The following DPP10 variants were observed in gnomAD, a reference collection of about 807,000 sequenced individuals.
DPP10 encodes dipeptidyl peptidase like 10, also known as inactive dipeptidyl peptidase 10.
A neutral mutation model predicts 120.9 loss-of-function variants in DPP10; 33 were observed. That is an observed-to-expected ratio of 0.27 (90% CI 0.21 to 0.37). DPP10 has a LOEUF of 0.37. Among genes scored for constraint, DPP10 ranks in the 10% least tolerant of loss-of-function variants. DPP10 has a pLI of 1.00. For synonymous variants in DPP10, 337 were observed against 326.1 expected, an observed-to-expected ratio of 1.03 and a Z score of -0.36; for missense variants, 816 against 942.8, an observed-to-expected ratio of 0.87 and a Z score of 1.76.
At chr2:114,728,126 G>C (rs1676524993) in intron 1 of DPP10, among the ~76,000 whole-genome samples, 2 of 152,106 alleles carry the variant, frequency 1.3e-5, no homozygotes, top group African/African-American at 2.4e-5. Flanking sequence ...AATAGTCTCA[G>C]CTTCAAAACA....
At position 115,768,834 on chromosome 2, in the gene DPP10, A is replaced by G. The variant is rs376089158; in HGVS notation, c.1221+430A>G. Among the ~76,000 whole-genome samples the G allele has an allele frequency of 5.8e-4, 89 of 152,240 alleles. 2 individuals are homozygous for G. In the East Asian group the frequency reaches 0.012, roughly 20 times the overall value. ...GTCCATCAAAAATTGATGGTTGAAT[A>G]AATTATGGCACATCCCCACAAGCAA... is the stretch of plus-strand genomic sequence containing the variant. On this transcript the variant is annotated intron_variant, in intron 13 of 25. Transcript: ENST00000410059.
At position 114,603,938 on chromosome 2, in the gene DPP10, A is replaced by G. The variant is rs879803456; in HGVS notation, c.60+161100A>G. Among the ~76,000 whole-genome samples the G allele has an allele frequency of 3.3e-5, 5 of 152,058 alleles. 1 individual carries two copies. Among genetic ancestry groups the G allele is most frequent in the Admixed American group, 3.3e-4 (5 of 15,254 alleles). On this transcript the variant is annotated intron_variant, in intron 1 of 25. Transcript: ENST00000410059. ...TATAGCTACAATTTGTTACAGCAAA[A>G]ATATAGAAAGCAGAATTAACAAAGG...
intron 1 of DPP10, among the ~76,000 whole-genome samples, chr2:115,156,075 A>G (rs1451725598): frequency 6.6e-6 from 1 of 152,250 alleles, no homozygotes; most frequent in Non-Finnish European, 1.5e-5. Context: ...ACAGATGAAT[A>G]TAACAAGGGA....
chr2:115,442,348 T>G (rs2072147932), intron 3 of DPP10, among the ~76,000 whole-genome samples: 1 of 146,382 alleles, frequency 6.8e-6, no homozygotes, highest in Admixed American at 6.7e-5. Context: ...CAATATATTA[T>G]CTGTGTGTGT....
chr2:115,384,665 G>A (rs534425374), intron 3 of DPP10, among the ~76,000 whole-genome samples: 2 of 147,084 alleles, frequency 1.4e-5, no homozygotes, highest in East Asian at 4.0e-4. Flanking sequence ...GGAAGAAGAA[G>A]AAGAAGGAAG....
intron 1 of DPP10, among the ~76,000 whole-genome samples, chr2:114,893,906 C>T (rs1692753130): frequency 6.6e-6 from 1 of 152,098 alleles, no homozygotes; most frequent in Non-Finnish European, 1.5e-5. Context: ...AACTGTGGTC[C>T]TATCTTCTGA....
chr2:114,567,614 T>C (rs1278079301), intron 1 of DPP10, among the ~76,000 whole-genome samples: 2 of 152,224 alleles, frequency 1.3e-5, no homozygotes, highest in African/African-American at 2.4e-5. Flanking sequence ...TTTTTAAAGC[T>C]ACTACATTTG....
chr2:114,651,008 A>G (rs1696541021), intron 1 of DPP10, among the ~76,000 whole-genome samples: 2 of 152,144 alleles, frequency 1.3e-5, no homozygotes, highest in South Asian at 4.1e-4. Context: ...TTAGAGTGAC[A>G]TTCAAGCTCC....
rs116722204 is a variant in DPP10 at position 115,470,702 on chromosome 2, T to C, written c.272-28808T>C. Among the ~76,000 whole-genome samples, 435 of 152,270 alleles carry C rather than the reference T, an allele frequency of 2.9e-3. 2 individuals are homozygous for C. The highest frequency in any genetic ancestry group is 9.9e-3 in the African/African-American group (413 of 41,554). On this transcript the variant is annotated intron_variant, in intron 3 of 25. Transcript: ENST00000410059. ...AAGCCATTTCTGCATAATTTTTTTT[T>C]CTCTATATTGCTTGTTCTTTTCAAA...
At chr2:114,516,025 G>A (rs1203415328) in intron 1 of DPP10, among the ~76,000 whole-genome samples, 1 of 152,160 alleles carries the variant, frequency 6.6e-6, no homozygotes, top group African/African-American at 2.4e-5. Context: ...ATCATGCAGA[G>A]GGTTTGTTAA....
At chr2:115,216,697 A>T (rs1031986678) in intron 1 of DPP10, among the ~76,000 whole-genome samples, 6 of 151,984 alleles carry the variant, frequency 3.9e-5, no homozygotes, top group Non-Finnish European at 8.8e-5. Context: ...AGCAGGAAAA[A>T]TCACTTGAAC....
At chr2:115,157,207 G>A (rs934670528) in intron 1 of DPP10, among the ~76,000 whole-genome samples, 2 of 149,066 alleles carry the variant, frequency 1.3e-5, no homozygotes, top group Admixed American at 6.7e-5. Context: ...ACAGAAGGGC[G>A]GTGGGGTGAA....
At chr2:115,171,517 A>C (rs750831266) in intron 1 of DPP10, among the ~76,000 whole-genome samples, 1 of 152,030 alleles carries the variant, frequency 6.6e-6, no homozygotes, top group African/African-American at 2.4e-5. Context: ...TAAATGTCAC[A>C]CCTTTGTATT....
intron 1 of DPP10, among the ~76,000 whole-genome samples, chr2:115,209,621 T>A (rs528784018): frequency 1.3e-5 from 2 of 152,328 alleles, no homozygotes; most frequent in Admixed American, 1.3e-4. Flanking sequence ...GCTTTAATCA[T>A]TTTGTTTCTT....
intron 1 of DPP10, among the ~76,000 whole-genome samples, chr2:115,082,359 G>A (rs1708344213): frequency 1.3e-5 from 2 of 152,108 alleles, no homozygotes; most frequent in South Asian, 4.1e-4. Context: ...CTGGTACAAA[G>A]TCTGTGTTAA....
At chr2:114,538,916 C>T (rs1686728987) in intron 1 of DPP10, among the ~76,000 whole-genome samples, 1 of 152,112 alleles carries the variant, frequency 6.6e-6, no homozygotes, top group African/African-American at 2.4e-5. Flanking sequence ...ATCGCTTTTT[C>T]TCATAGCCCC....
intron 3 of DPP10, among the ~76,000 whole-genome samples, chr2:115,423,135 A>T (rs1387015025): frequency 6.6e-6 from 1 of 152,038 alleles, no homozygotes; most frequent in Admixed American, 6.5e-5. Flanking sequence ...TAAAAGAAGT[A>T]TACTTAATTT....
chr2:115,582,428 A>C (rs1258260333), intron 5 of DPP10, among the ~76,000 whole-genome samples: 1 of 152,178 alleles, frequency 6.6e-6, no homozygotes, highest in Non-Finnish European at 1.5e-5. Flanking sequence ...CACCAGCTTC[A>C]GGTGTTTCCC....
chr2:115,227,853 T>G (rs554143540), intron 1 of DPP10, among the ~76,000 whole-genome samples: 1 of 151,988 alleles, frequency 6.6e-6, no homozygotes, highest in African/African-American at 2.4e-5. Context: ...ATTAATTATT[T>G]ATTTATATTA....
Sources: gnomAD v4.1 joint callset for allele counts (sites outside exome capture counted in the v4.1 genomes callset) on GRCh38, gnomAD v4.1.1 for gene constraint, MANE v1.5 for transcripts, NCBI Gene and HGNC (gene_info 2026-07-23, HGNC 2026-07-21) for gene names.